Variants in KDM5B observed in about 807,000 individuals in gnomAD.
KDM5B encodes lysine-specific demethylase 5B.
KDM5B carries 144 observed loss-of-function variants against 193.4 expected under a neutral mutation model. The ratio of observed to expected loss-of-function variants is 0.74; its 90% confidence interval spans 0.65 to 0.86. The LOEUF (loss-of-function observed/expected upper bound fraction) is 0.86, where lower values mean the gene tolerates loss of function less well. KDM5B is among the 40% of genes least tolerant of loss of function. The pLI is 0.00. For missense variants in KDM5B, 1,833 were observed against 1,886.9 expected (o/e 0.97, Z 0.53); for synonymous variants, 668 against 682.6 (o/e 0.98, Z 0.33).
intron 16 of KDM5B, among the ~76,000 whole-genome samples, chr1:202,744,343 A>C (rs1036177269): frequency 2.0e-5 from 3 of 152,204 alleles, no homozygotes. Context: ...GCAGATCACA[A>C]GGTCAGGAGT....
chr1:202,731,150 G>T (rs1654870255), intron 24 of KDM5B, 87 bp from the exon 25 acceptor site: 2 of 1,044,542 alleles, frequency 1.9e-6, no homozygotes. Context: ...TAGAAGGACT[G>T]CCCCTAATAC....
rs1654681727 is a variant in KDM5B, at chr1:202,726,562, AAC to A, written c.*2472_*2473del. 6.6e-6 allele frequency: 1 copy of A among 152,138 alleles called. No individual in the cohort carries two copies. The highest frequency in any genetic ancestry group is 1.5e-5 in the Non-Finnish European group (1 of 68,034). The allele number at this position is 152,138 out of a possible 1,614,324, so 9.4% of individuals were successfully genotyped here. A position where few individuals can be genotyped will look rare whatever the true frequency, so the allele number is the denominator to read the frequency against. ...CTCCTTCTGGTTCAGGCTCTAACTT[AAC>A]ACAGTCCCTTCCCCTCTCCCACCTC... is the stretch of plus-strand genomic sequence containing the variant. On this transcript the variant is annotated 3_prime_UTR_variant, in exon 27 of 27. Coordinates refer to ENST00000367265, the MANE Select transcript of KDM5B (RefSeq NM_006618.5).
chr1:202,792,070 A>G (rs1485427497), intron 1 of KDM5B, among the ~76,000 whole-genome samples: 2 of 152,156 alleles, frequency 1.3e-5, no homozygotes, highest in African/African-American at 2.4e-5. Context: ...AACTCCAAGG[A>G]CTCAATTCAT....
intron 1 of KDM5B, among the ~76,000 whole-genome samples, chr1:202,789,670 C>A (rs1657564655): frequency 1.9e-5 from 1 of 51,368 alleles, no homozygotes; most frequent in Non-Finnish European, 4.6e-5. Flanking sequence ...CATGGCGGGA[C>A]CCTATAAAAA....
At chr1:202,804,748 G>A (rs1421430463) in intron 1 of KDM5B, among the ~76,000 whole-genome samples, 2 of 151,608 alleles carry the variant, frequency 1.3e-5, no homozygotes, top group East Asian at 1.9e-4. Flanking sequence ...GGTGGCTCAC[G>A]CCTGTAATCC....
chr1:202,736,362 G>A lies in KDM5B; in HGVS notation c.3115C>T (p.Leu1039Phe). ...AGGRVPVLDTLIELVTRGRSI... is the reference protein window; with the variant it reads ...AGGRVPVLDTFIELVTRGRSI... Reference sequence around the variant, plus strand: ...CGGCCTCGTGTAACAAGTTCTATGAGTGTGTCTAACACTGGCACACGTCCT... The same window carrying A: ...CGGCCTCGTGTAACAAGTTCTATGAATGTGTCTAACACTGGCACACGTCCT... Residue 1039 changes from leucine (L) to phenylalanine (F), a missense_variant, in exon 21 of 27, where the codon CTC (leucine) becomes TTC (phenylalanine). Transcript: ENST00000367265. 6.2e-7 allele frequency: 1 copy of A among 1,606,716 alleles called. No individual in the cohort carries two copies. Among genetic ancestry groups the A allele is most frequent in the Non-Finnish European group, 8.5e-7 (1 of 1,176,620 alleles).
chr1:202,739,567 G>A (rs1655225195), intron 20 of KDM5B, among the ~76,000 whole-genome samples: 2 of 152,092 alleles, frequency 1.3e-5, no homozygotes, highest in South Asian at 4.2e-4. Context: ...GGGAACGTCA[G>A]CAGATAAACA....
At chr1:202,744,902 T>C (rs1173495570) in intron 16 of KDM5B, among the ~76,000 whole-genome samples, 1 of 152,102 alleles carries the variant, frequency 6.6e-6, no homozygotes, top group Non-Finnish European at 1.5e-5. Flanking sequence ...TCAACCTAAA[T>C]ACCCATCAAT....
chr1:202,750,254 A>T (rs1309631992), intron 13 of KDM5B, among the ~76,000 whole-genome samples: 1 of 152,128 alleles, frequency 6.6e-6, no homozygotes, highest in Admixed American at 6.5e-5. Context: ...CTGAGCAGTA[A>T]TGGGTCAAGG....
chr1:202,744,043 T>C (rs981513578), intron 16 of KDM5B, among the ~76,000 whole-genome samples: 4 of 152,000 alleles, frequency 2.6e-5, no homozygotes, highest in East Asian at 1.9e-4. Context: ...TCAGAGTGAA[T>C]AGACAACCTA....
chr1:202,767,479 C>T, intron 4 of KDM5B: 2 of 974,318 alleles, frequency 2.1e-6, no homozygotes, highest in East Asian at 2.4e-5. Context: ...AATGGCGGCA[C>T]CTCACCAAGA....
chr1:202,744,599 A>G (rs560772120), intron 16 of KDM5B, among the ~76,000 whole-genome samples: 1 of 152,300 alleles, frequency 6.6e-6, no homozygotes, highest in South Asian at 2.1e-4. Flanking sequence ...CCACAATGAG[A>G]TATCACCTCA....
rs56895026 is a variant in KDM5B at position 202,756,063 on chromosome 1, A to C, written c.1356+295T>G. Among the ~76,000 whole-genome samples, 33,094 of 151,960 alleles carry C rather than the reference A, an allele frequency of 0.22. 4,347 individuals carry two copies. Among genetic ancestry groups the C allele is most frequent in the Non-Finnish European group, 0.3 (20,375 of 67,916 alleles). On this transcript the variant is annotated intron_variant, in intron 10 of 26. Transcript: ENST00000367265. ...TCGCTAGTATGGAAAAAAATACTCA[A>C]AAATATTAAAGTTTGAAAATAAATA...
At chr1:202,805,543 T>A (rs1658256714) in intron 1 of KDM5B, among the ~76,000 whole-genome samples, 1 of 152,206 alleles carries the variant, frequency 6.6e-6, no homozygotes, top group Non-Finnish European at 1.5e-5. Context: ...ATACCAATAG[T>A]TCCAATTCCC....
At chr1:202,805,152 C>T (rs1658241653) in intron 1 of KDM5B, among the ~76,000 whole-genome samples, 1 of 152,038 alleles carries the variant, frequency 6.6e-6, no homozygotes, top group South Asian at 2.1e-4. Flanking sequence ...TTAAAGGTGA[C>T]AAAACCAGAA....
intron 1 of KDM5B, among the ~76,000 whole-genome samples, chr1:202,787,020 T>C (rs1332711723): frequency 1.3e-5 from 2 of 152,182 alleles, no homozygotes; most frequent in Non-Finnish European, 2.9e-5. Context: ...TTTCCCTTTT[T>C]TTTCTTTTTC....
At chr1:202,783,757 TG>T (rs1657294918) in intron 1 of KDM5B, among the ~76,000 whole-genome samples, 1 of 152,048 alleles carries the variant, frequency 6.6e-6, no homozygotes, top group South Asian at 2.1e-4. Flanking sequence ...GGCGGGCGCC[TG>T]TAGTCCCAGC....
intron 1 of KDM5B, among the ~76,000 whole-genome samples, chr1:202,788,477 G>A (rs1410045052): frequency 6.6e-6 from 1 of 152,142 alleles, no homozygotes; most frequent in Non-Finnish European, 1.5e-5. Context: ...ATATGCCATG[G>A]TATTTACTTT....
chr1:202,775,659 C>T (rs990696827), intron 2 of KDM5B, among the ~76,000 whole-genome samples: 1 of 151,090 alleles, frequency 6.6e-6, no homozygotes, highest in African/African-American at 2.4e-5. Context: ...AGTTTGAGAC[C>T]AGCCTGGCCA....
Sources: allele counts gnomAD v4.1 joint callset (sites outside exome capture counted in the v4.1 genomes callset), GRCh38; gene constraint gnomAD v4.1.1; transcripts MANE v1.5; gene names NCBI Gene and HGNC (gene_info 2026-07-23, HGNC 2026-07-21).